SLC12A2: variants seen among roughly 807,000 people sequenced by gnomAD.
The protein encoded by SLC12A2 is solute carrier family 12 member 2.
In SLC12A2, 67 loss-of-function variants were observed where a neutral mutation model predicts 136.3. The ratio of observed to expected loss-of-function variants is 0.49; its 90% CI spans 0.40 to 0.60. SLC12A2 has a LOEUF of 0.60. Ranked by LOEUF, SLC12A2 falls within the 20% of genes least tolerant of loss-of-function variation. The probability of loss-of-function intolerance (pLI) is 0.00; values close to 1 mark genes in which losing one functional copy is unlikely to be tolerated. For missense variants in SLC12A2, 1,322 were observed against 1,534.7 expected (o/e 0.86, Z 2.32); for synonymous variants, 619 against 562.9 (o/e 1.10, Z -1.41).
In SLC12A2 at chr5:128,084,478, G is replaced by A; in HGVS notation, c.524G>A (p.Gly175Glu). ...DGPNVSFQNG[G>E]DTVLSEGSSL... ...CCCAACGTGAGCTTCCAGAACGGCGGGGACACGGTGCTGAGCGAGGGCAGC... is the reference window on the plus strand; with the variant it reads ...CCCAACGTGAGCTTCCAGAACGGCGAGGACACGGTGCTGAGCGAGGGCAGC... Residue 175 changes from glycine (G) to glutamate (E), a missense_variant, in exon 1 of 27, where the codon GGG (glycine) becomes GAG (glutamate). Physicochemically the swap from Gly to Glu is moderately conservative, Grantham distance 98. Around this residue, in one of 8 missense-constraint regions of SLC12A2, gnomAD observed 358 missense variants for 299.7 expected, o/e 1.19. Transcript: ENST00000262461. This position sits in a 1 kb window ranked among gnomAD's most constrained non-coding sequence, Gnocchi z 5.6. 6.2e-7 allele frequency: 1 copy of A among 1,610,502 alleles called. No individual in the cohort carries two copies. The highest frequency in any genetic ancestry group is 1.1e-5 in the South Asian group (1 of 90,962).
At chr5:128,142,534 A>G (rs960044603) in intron 10 of SLC12A2, among the ~76,000 whole-genome samples, 1 of 152,058 alleles carries the variant, frequency 6.6e-6, no homozygotes, top group African/African-American at 2.4e-5. Flanking sequence ...CATGTAATAT[A>G]TATATATATA....
At chr5:128,184,895 T>C in intron 26 of SLC12A2, 39 bp downstream of exon 26, 1 of 1,475,586 alleles carries the variant, frequency 6.8e-7, no homozygotes, top group Non-Finnish European at 9.5e-7. Flanking sequence ...TGCTAATTTA[T>C]GATAATATGC....
chr5:128,135,549 C>T, intron 6 of SLC12A2, 151 bp from the exon 7 acceptor site: 3 of 554,216 alleles, frequency 5.4e-6, no homozygotes, highest in Non-Finnish European at 9.6e-6. Context: ...TATTGAGCAG[C>T]TGCTTGGCAT....
At chr5:128,127,885 T>G (rs1037521512) in intron 4 of SLC12A2, among the ~76,000 whole-genome samples, 1 of 152,114 alleles carries the variant, frequency 6.6e-6, no homozygotes, top group Admixed American at 6.5e-5. Flanking sequence ...TTCTTACTGT[T>G]TTTTCCATTT....
chr5:128,152,550 T>G (rs1488683371), intron 14 of SLC12A2, among the ~76,000 whole-genome samples, 156 bp from the exon 15 acceptor site: 1 of 152,260 alleles, frequency 6.6e-6, no homozygotes, highest in African/African-American at 2.4e-5. Context: ...AGTCTTAATA[T>G]CTTGCTGTAT....
chr5:128,176,889 G>A (rs1176342891), intron 20 of SLC12A2, among the ~76,000 whole-genome samples: 1 of 152,020 alleles, frequency 6.6e-6, no homozygotes, highest in African/African-American at 2.4e-5. Flanking sequence ...ATTTAGGGGT[G>A]TTAGTCATCC....
At chr5:128,176,201 C>T (rs1458239920) in intron 20 of SLC12A2, among the ~76,000 whole-genome samples, 1 of 152,110 alleles carries the variant, frequency 6.6e-6, no homozygotes, top group African/African-American at 2.4e-5. Context: ...GAGTTCAGTG[C>T]ATTAATACTT....
intron 16 of SLC12A2, among the ~76,000 whole-genome samples, chr5:128,161,010 C>T (rs891451444): frequency 6.6e-6 from 1 of 152,026 alleles, no homozygotes; most frequent in Non-Finnish European, 1.5e-5. Flanking sequence ...GACAATTTCC[C>T]CACTACAAAA....
chr5:128,086,877 C>T (rs554052444), intron 1 of SLC12A2, among the ~76,000 whole-genome samples: 60 of 152,300 alleles, frequency 3.9e-4, no homozygotes, highest in African/African-American at 1.1e-3. Flanking sequence ...ACCTCTCTAA[C>T]ACCTTCTGTA....
At chr5:128,180,122 A>C (rs1290146793) in intron 22 of SLC12A2, among the ~76,000 whole-genome samples, 1 of 151,190 alleles carries the variant, frequency 6.6e-6, no homozygotes, top group Non-Finnish European at 1.5e-5. Context: ...GGCACCTGCC[A>C]CCATGCCCAG....
intron 1 of SLC12A2, among the ~76,000 whole-genome samples, chr5:128,091,895 T>C (rs377463787): frequency 2.0e-5 from 3 of 152,246 alleles, no homozygotes; most frequent in African/African-American, 4.8e-5. Context: ...TAGATATTCA[T>C]CTAGGTTCAG....
intron 5 of SLC12A2, among the ~76,000 whole-genome samples, chr5:128,132,351 AT>A (rs1762052641): frequency 6.6e-6 from 1 of 152,144 alleles, no homozygotes; most frequent in African/African-American, 2.4e-5. Context: ...AATTTGAAGG[AT>A]TGGATTTGAT....
intron 9 of SLC12A2, among the ~76,000 whole-genome samples, chr5:128,141,132 T>G (rs1762352568): frequency 6.6e-6 from 1 of 152,176 alleles, no homozygotes; most frequent in African/African-American, 2.4e-5. Context: ...AATATTTTAT[T>G]ATGGAAGTTT....
At chr5:128,136,509 C>G (rs1762197535) in intron 7 of SLC12A2, among the ~76,000 whole-genome samples, 1 of 152,206 alleles carries the variant, frequency 6.6e-6, no homozygotes. Flanking sequence ...ATAGCCCTGT[C>G]AAACTTCTAC....
chr5:128,149,225 C>T (rs754622563), intron 12 of SLC12A2, among the ~76,000 whole-genome samples: 5 of 151,678 alleles, frequency 3.3e-5, no homozygotes, highest in Non-Finnish European at 7.4e-5. Flanking sequence ...TTGGGTCTTC[C>T]ACTACTAAAG....
intron 15 of SLC12A2, among the ~76,000 whole-genome samples, chr5:128,154,649 A>G (rs1396724045): frequency 2.0e-5 from 3 of 152,080 alleles, no homozygotes; most frequent in East Asian, 3.9e-4. Flanking sequence ...GTTGTGTTCC[A>G]GGACCCTCGG....
At chr5:128,186,412 C>T in intron 26 of SLC12A2, 84 bp from the exon 27 acceptor site, 1 of 1,309,656 alleles carries the variant, frequency 7.6e-7, no homozygotes, top group South Asian at 1.5e-5. Context: ...TTATTGTAAT[C>T]TACTTTATAA....
chr5:128,154,841 TCTTTTTC>T (rs1762821601), intron 15 of SLC12A2, among the ~76,000 whole-genome samples: 1 of 152,250 alleles, frequency 6.6e-6, no homozygotes, highest in Admixed American at 6.5e-5. Flanking sequence ...AGCATGAGTT[TCTTTTTC>T]CTTCTTTACA....
At chr5:128,169,027 T>C (rs973958452) in intron 18 of SLC12A2, 1 of 152,204 alleles carries the variant, frequency 6.6e-6, no homozygotes, top group African/African-American at 2.4e-5. Flanking sequence ...AAAACTTTTT[T>C]TTTGTTTTTG....
Sources: allele counts gnomAD v4.1 joint callset (sites outside exome capture counted in the v4.1 genomes callset), GRCh38; gene constraint gnomAD v4.1.1; regional missense constraint gnomAD v4.1.1; non-coding constraint Gnocchi (gnomAD v3.1); transcripts MANE v1.5; gene names NCBI Gene and HGNC (gene_info 2026-07-23, HGNC 2026-07-21).